SPEN: variants seen among roughly 807,000 people sequenced by gnomAD.
The protein encoded by SPEN is msx2-interacting protein.
A neutral mutation model predicts 269.9 loss-of-function variants in SPEN; 18 were observed. The observed-to-expected ratio is 0.07, with a 90% CI of 0.05 to 0.10. The LOEUF (loss-of-function observed/expected upper bound fraction) is 0.10. SPEN is among the 10% of genes least tolerant of loss of function. The pLI is 1.00. For missense variants in SPEN, 3,822 were observed against 4,631.2 expected, an observed-to-expected ratio of 0.83 and a Z score of 5.07; for synonymous variants, 1,726 against 1,765.7, an observed-to-expected ratio of 0.98 and a Z score of 0.56.
Position 15,933,475 on chromosome 1 carries a change from C to T in SPEN, c.7235C>T (p.Ser2412Phe). 16 of 1,614,130 alleles carry T rather than the reference C, an allele frequency of 9.9e-6. No homozygotes were observed. The highest frequency in any genetic ancestry group is 1.3e-5 in the Non-Finnish European group (15 of 1,180,026). The change falls in exon 11 of 15, where the codon TCC (serine) becomes TTC (phenylalanine). Residue 2412 changes from serine (S) to phenylalanine (F), a missense_variant. Physicochemically the swap from Ser to Phe is radical, Grantham distance 155. Coordinates refer to ENST00000375759, the MANE Select transcript of SPEN (RefSeq NM_015001.3). The surrounding 1 kb of genome is among the most constrained non-coding windows in gnomAD (Gnocchi z 5.7). The part of the protein sequence containing the change: ...LSKIPSTENS[S>F]QEISVEERTP... ...AAGATTCCCTCCACAGAGAATTCGT[C>T]CCAAGAAATCAGTGTTGAGGAAAGG...
chr1:15,887,018 G>A (rs612136), intron 3 of SPEN, among the ~76,000 whole-genome samples: 17,227 of 151,840 alleles, frequency 0.11, 1,306 homozygotes, highest in Admixed American at 0.23. Flanking sequence ...TTGCTCTGTC[G>A]CCCAGGCTGG....
At chr1:15,862,866 A>G (rs2070461640) in intron 1 of SPEN, among the ~76,000 whole-genome samples, 1 of 151,550 alleles carries the variant, frequency 6.6e-6, no homozygotes, top group Non-Finnish European at 1.5e-5. Flanking sequence ...GGTTCACGCC[A>G]TTCTCCTGCC....
At chr1:15,903,665 T>G (rs1030953936) in intron 3 of SPEN, among the ~76,000 whole-genome samples, 5 of 151,992 alleles carry the variant, frequency 3.3e-5, no homozygotes, top group Admixed American at 6.6e-5. Flanking sequence ...CAAATTGTTG[T>G]TGTTTATGAA....
intron 3 of SPEN, among the ~76,000 whole-genome samples, chr1:15,901,481 GCAAA>G (rs949948370): frequency 1.1e-4 from 17 of 150,462 alleles, no homozygotes; most frequent in African/African-American, 4.1e-4. Context: ...TACTAAAAAT[GCAAA>G]CAAAAAAAAT....
In SPEN at chr1:15,930,109, T is replaced by G; in HGVS notation, c.3869T>G (p.Val1290Gly). 1 of 1,614,180 alleles carries G rather than the reference T, an allele frequency of 6.2e-7. No individual in the cohort carries two copies. Among genetic ancestry groups the G allele is most frequent in the Non-Finnish European group, 8.5e-7 (1 of 1,180,040 alleles). ...RLLSVKGSPK[V>G]DEKVLPYSNI... ...CTGTCAGTAAAAGGGTCTCCTAAAG[T>G]AGATGAAAAAGTCCTCCCCTATTCT... is the stretch of plus-strand genomic sequence containing the variant. The change falls in exon 11 of 15, where the codon GTA becomes GGA. Residue 1290 changes from valine to glycine, a missense_variant. Val to Gly is a moderately radical substitution (Grantham distance 109). Coordinates refer to ENST00000375759, the MANE Select transcript of SPEN (RefSeq NM_015001.3). This position sits in a 1 kb window ranked among gnomAD's most constrained non-coding sequence, Gnocchi z 5.3.
At chr1:15,874,526 T>G in intron 2 of SPEN, 1 of 572,278 alleles carries the variant, frequency 1.7e-6, no homozygotes, top group Non-Finnish European at 2.6e-6. Context: ...ATTTCAGCTC[T>G]GCTAGCTCTT....
At chr1:15,936,734 C>A (rs955966734) in intron 11 of SPEN, among the ~76,000 whole-genome samples, 1 of 151,996 alleles carries the variant, frequency 6.6e-6, no homozygotes, top group Admixed American at 6.5e-5. Flanking sequence ...GTCAGGAGTT[C>A]AAGACCAGCT....
chr1:15,852,996 A>G (rs964230857), intron 1 of SPEN, among the ~76,000 whole-genome samples: 2 of 151,976 alleles, frequency 1.3e-5, no homozygotes, highest in South Asian at 4.2e-4. Flanking sequence ...AGCTAGAACC[A>G]CAGGTATGTG....
chr1:15,847,937 GCCGCCGCTGCCGACGCCA>G lies in SPEN; in HGVS notation c.-123_-106del. The G allele has an allele frequency of 2.6e-6, 1 of 390,312 alleles. No individual in the cohort carries two copies. The highest frequency in any genetic ancestry group is 4.3e-6 in the Non-Finnish European group (1 of 231,818). The allele number at this position is 390,312 out of a possible 1,614,324, so 24.2% of individuals were successfully genotyped here. On this transcript the variant is annotated 5_prime_UTR_variant, in exon 1 of 15. Transcript: ENST00000375759. ...TGCACGGGGGGGAGCCGGAGGAGCCGCCGCCGCTGCCGACGCCACCGCCGCAGCCGCCGCCGCCGCCGC... is the reference window on the plus strand; with the variant it reads ...TGCACGGGGGGGAGCCGGAGGAGCCGCCGCCGCAGCCGCCGCCGCCGCCGC...
chr1:15,930,496 A>G lies in SPEN; in HGVS notation c.4256A>G (p.Asp1419Gly), dbSNP rs1173469705. ...RDREDKLRER[D>G]ERLSSSLERN... Reference sequence around the variant, plus strand: ...AGAGAAGACAAGCTACGTGAGCGAGATGAAAGACTCTCTAGTTCTTTAGAA... The same window carrying G: ...AGAGAAGACAAGCTACGTGAGCGAGGTGAAAGACTCTCTAGTTCTTTAGAA... Residue 1419 changes from aspartate (D) to glycine (G), a missense_variant, in exon 11 of 15, where the codon GAT becomes GGT. Physicochemically the swap from Asp to Gly is moderately conservative, Grantham distance 94. This residue lies in a region of SPEN where 267 missense variants were observed against 315.5 expected (regional missense o/e 0.85). Coordinates refer to ENST00000375759, the MANE Select transcript of SPEN (RefSeq NM_015001.3). This position sits in a 1 kb window ranked among gnomAD's most constrained non-coding sequence, Gnocchi z 5.3. 6.2e-7 allele frequency: 1 copy of G among 1,614,214 alleles called. No individual in the cohort carries two copies.
rs759593624 is a variant in SPEN at position 15,928,790 on chromosome 1, G to A, written c.2550G>A (p.Lys850=). 7 of 1,614,106 alleles carry A rather than the reference G, an allele frequency of 4.3e-6. No individual in the cohort carries two copies. The highest frequency in any genetic ancestry group is 5.1e-6 in the Non-Finnish European group (6 of 1,180,022). The change falls in exon 11 of 15, where the codon AAG becomes AAA. Residue 850 remains lysine (K), a synonymous_variant. Coordinates refer to ENST00000375759, the MANE Select transcript of SPEN (RefSeq NM_015001.3). The surrounding 1 kb of genome is among the most constrained non-coding windows in gnomAD (Gnocchi z 5.7). ...QENEREQSPE[K]PRSCNKLSRE... ...ATGAGCGAGAGCAAAGCCCTGAAAA[G>A]CCCAGGAGTTGTAATAAACTGAGCA...
intron 5 of SPEN, among the ~76,000 whole-genome samples, chr1:15,913,997 A>G (rs954780962): frequency 2.0e-5 from 3 of 152,174 alleles, no homozygotes; most frequent in African/African-American, 4.8e-5. Context: ...TCAATATTCT[A>G]TCTGAATTTT....
chr1:15,912,184 G>A (rs1052316670), intron 5 of SPEN, among the ~76,000 whole-genome samples: 8 of 152,152 alleles, frequency 5.3e-5, no homozygotes, highest in Non-Finnish European at 1.0e-4. Context: ...CCTGTTATAA[G>A]GCAGGAAATC....
At position 15,935,280 on chromosome 1, in the gene SPEN, T is replaced by A. The variant is rs1473831835; in HGVS notation, c.9040T>A (p.Ser3014Thr). ...CAGCATCCCAGCAGATCGAACTGTC[T>A]CCCATTTGGCAGCTGCAAAGCTAGA... ...GPSIPADRTVSHLAAAKLDAH... is the reference protein window; with the variant it reads ...GPSIPADRTVTHLAAAKLDAH... Residue 3014 changes from serine (S) to threonine (T), a missense_variant, in exon 11 of 15, where the codon TCC (serine) becomes ACC (threonine). By Grantham distance (58) the Ser-to-Thr change is moderately conservative. Transcript: ENST00000375759. The surrounding 1 kb of genome is among the most constrained non-coding windows in gnomAD (Gnocchi z 7.7). 1.9e-6 allele frequency: 3 copies of A among 1,613,728 alleles called. No homozygotes were observed. The highest frequency in any genetic ancestry group is 2.5e-6 in the Non-Finnish European group (3 of 1,179,948).
In SPEN at chr1:15,920,914, T is replaced by C. The variant is rs1220417406; in HGVS notation, c.1680T>C (p.Asn560=). The C allele has an allele frequency of 6.2e-7, 1 of 1,613,046 alleles. No individual in the cohort carries two copies. The highest frequency in any genetic ancestry group is 1.3e-5 in the African/African-American group (1 of 74,864). Residue 560 remains asparagine (N), a synonymous_variant, in exon 9 of 15, where the codon AAT becomes AAC. Transcript: ENST00000375759. The stretch of plus-strand genomic sequence containing the variant: ...AAGGCATGGCCCTGGTTCTCTACAA[T>C]GAAATTGAATATGCACAAGCAGCTG... The part of the protein sequence containing the change: ...RLKGMALVLY[N]EIEYAQAAVK...
At chr1:15,909,591 T>C (rs952387943) in intron 4 of SPEN, 110 bp downstream of exon 4, 8 of 1,136,640 alleles carry the variant, frequency 7.0e-6, no homozygotes, top group Non-Finnish European at 8.8e-6. Context: ...GGAAAACCCA[T>C]TTCGAAATAT....
Position 15,935,817 on chromosome 1 carries a change from C to A in SPEN, c.9577C>A (p.Arg3193=). 2 of 1,613,870 alleles carry A rather than the reference C, an allele frequency of 1.2e-6. No homozygotes were observed. Among genetic ancestry groups the A allele is most frequent in the Non-Finnish European group, 1.7e-6 (2 of 1,180,004 alleles). ...EYRLHPYTVP[R]DVRIMVHPHV... is the part of the protein sequence containing the mutation. ...CCGACTGCACCCCTATACTGTGCCA[C>A]GGGATGTGAGGATCATGGTGCATCC... is the stretch of plus-strand genomic sequence containing the variant. Residue 3193 remains arginine, a synonymous_variant, in exon 11 of 15, where the codon CGG becomes AGG. Coordinates refer to ENST00000375759, the MANE Select transcript of SPEN (RefSeq NM_015001.3). This position sits in a 1 kb window ranked among gnomAD's most constrained non-coding sequence, Gnocchi z 7.7.
At position 15,919,417 on chromosome 1, in the gene SPEN, A is replaced by G; in HGVS notation, c.1535A>G (p.Lys512Arg). The change falls in exon 8 of 15, where the codon AAG (lysine) becomes AGG (arginine). Residue 512 changes from lysine (K) to arginine (R), a missense_variant. By Grantham distance (26) the Lys-to-Arg change is conservative. This residue lies in a region of SPEN where 230 missense variants were observed against 426.1 expected (regional missense o/e 0.54). Coordinates refer to ENST00000375759, the MANE Select transcript of SPEN (RefSeq NM_015001.3). ...GNNRLKLGFG[K>R]SMPTNCVWLD... ...TTTTATATTCAGCTGGGTTTTGGAA[A>G]GAGCATGCCTACAAACTGCGTGTGG... is the stretch of plus-strand genomic sequence containing the variant. 1.3e-6 allele frequency: 2 copies of G among 1,594,736 alleles called. No homozygotes were observed. The highest frequency in any genetic ancestry group is 1.7e-6 in the Non-Finnish European group (2 of 1,175,584).
At chr1:15,918,217 CAT>C (rs1369504988) in intron 6 of SPEN, among the ~76,000 whole-genome samples, 1 of 152,130 alleles carries the variant, frequency 6.6e-6, no homozygotes, top group Non-Finnish European at 1.5e-5. Flanking sequence ...TCTCAGATAT[CAT>C]ATTTTATTTT....
Sources: allele counts gnomAD v4.1 joint callset (sites outside exome capture counted in the v4.1 genomes callset), GRCh38; gene constraint gnomAD v4.1.1; regional missense constraint gnomAD v4.1.1; non-coding constraint Gnocchi (gnomAD v3.1); transcripts MANE v1.5; gene names NCBI Gene and HGNC (gene_info 2026-07-23, HGNC 2026-07-21).